The following FAM168B variants were observed in gnomAD, a reference collection of about 807,000 sequenced individuals.
FAM168B encodes the protein family with sequence similarity 168 member B.
FAM168B carries 19 observed loss-of-function variants against 21.8 expected under a neutral mutation model. The ratio of observed to expected loss-of-function variants is 0.87; its 90% CI spans 0.61 to 1.28. The LOEUF (loss-of-function observed/expected upper bound fraction) is 1.28, where lower values mean the gene tolerates loss of function less well. Among genes scored for constraint, FAM168B ranks in the 50% most tolerant of loss-of-function variants. The pLI, the probability that FAM168B is intolerant of heterozygous loss-of-function variation, is 0.00. For synonymous variants in FAM168B, 126 were observed against 104.8 expected (o/e 1.20, Z -1.24); for missense variants, 233 against 263.1 (o/e 0.89, Z 0.79).
At chr2:131,054,486 G>C (rs925702616) in intron 5 of FAM168B, among the ~76,000 whole-genome samples, 1 of 152,168 alleles carries the variant, frequency 6.6e-6, no homozygotes, top group Non-Finnish European at 1.5e-5. Context: ...AACCAAATCA[G>C]AGTCTACATT....
chr2:131,065,744 G>A (rs938611504), intron 3 of FAM168B, among the ~76,000 whole-genome samples: 21 of 145,658 alleles, frequency 1.4e-4, no homozygotes, highest in East Asian at 6.0e-4. Flanking sequence ...AGCTGAGATC[G>A]CACTACTGCA....
intron 1 of FAM168B, among the ~76,000 whole-genome samples, chr2:131,087,453 C>CA (rs1173841840): frequency 6.6e-6 from 1 of 152,026 alleles, no homozygotes; most frequent in African/African-American, 2.4e-5. Context: ...GCCTGGGCAA[C>CA]AGAGCAAGAC....
chr2:131,070,413 T>C (rs1692815097), intron 3 of FAM168B, among the ~76,000 whole-genome samples: 1 of 152,200 alleles, frequency 6.6e-6, no homozygotes, highest in Admixed American at 6.5e-5. Flanking sequence ...TTGTTAAGGA[T>C]GTGGAGGAAC....
intron 3 of FAM168B, among the ~76,000 whole-genome samples, chr2:131,060,050 C>T (rs1558950297): frequency 6.6e-6 from 1 of 151,336 alleles, no homozygotes; most frequent in Non-Finnish European, 1.5e-5. Context: ...GATGGAGTCT[C>T]GCTGTCTCGC....
At chr2:131,091,694 T>C (rs576737548) in intron 1 of FAM168B, among the ~76,000 whole-genome samples, 5 of 152,024 alleles carry the variant, frequency 3.3e-5, no homozygotes, top group African/African-American at 9.6e-5. Context: ...CCCCAAACTT[T>C]ACCTTCATTA....
At chr2:131,060,077 G>C (rs1692218646) in intron 3 of FAM168B, among the ~76,000 whole-genome samples, 1 of 152,014 alleles carries the variant, frequency 6.6e-6, no homozygotes, top group Non-Finnish European at 1.5e-5. Flanking sequence ...ACCCAGGCTG[G>C]AGTGCTGACA....
At chr2:131,072,935 G>C (rs914451640) in intron 2 of FAM168B, among the ~76,000 whole-genome samples, 40 of 152,096 alleles carry the variant, frequency 2.6e-4, no homozygotes, top group Admixed American at 3.9e-4. Context: ...GCCTATTTTT[G>C]CTGCTACCAG....
At chr2:131,060,953 G>T (rs907032670) in intron 3 of FAM168B, among the ~76,000 whole-genome samples, 5 of 151,670 alleles carry the variant, frequency 3.3e-5, no homozygotes, top group Admixed American at 3.3e-4. Context: ...CCGGGTTCAC[G>T]CCATTCTCCT....
intron 6 of FAM168B, 111 bp from the exon 7 acceptor site, chr2:131,052,563 A>G: frequency 1.1e-6 from 1 of 874,616 alleles, no homozygotes; most frequent in Middle Eastern, 5.2e-4. Flanking sequence ...GCAATGGGCA[A>G]AACTGCTGGA....
At position 131,048,051 on chromosome 2, in the gene FAM168B, C is replaced by T. The variant is rs1358425425; in HGVS notation, c.*4414G>A. 5.8e-6 allele frequency: 3 copies of T among 520,964 alleles called. No individual in the cohort carries two copies. The highest frequency in any genetic ancestry group is 2.0e-5 in the African/African-American group (1 of 49,806). 32.3% of individuals were successfully genotyped at this position (520,964 alleles called of 1,614,324 possible). On this transcript the variant is annotated 3_prime_UTR_variant, in exon 7 of 7. Transcript: ENST00000389915. ...CTGGCTCAGGATGGAAATTCCATTC[C>T]TTGGCATGGATACGTAAGTTCAATG...
chr2:131,092,733 A>T (rs1157483690), intron 1 of FAM168B, among the ~76,000 whole-genome samples: 1 of 152,214 alleles, frequency 6.6e-6, no homozygotes, highest in Non-Finnish European at 1.5e-5. Flanking sequence ...TCCTTTCTGA[A>T]GGAAATCTTA....
chr2:131,077,598 C>G (rs1693223013), intron 2 of FAM168B, among the ~76,000 whole-genome samples: 1 of 152,244 alleles, frequency 6.6e-6, no homozygotes, highest in African/African-American at 2.4e-5. Context: ...AAATTAGGAT[C>G]TACAGCCTTG....
chr2:131,075,930 C>A (rs1693133206), intron 2 of FAM168B, among the ~76,000 whole-genome samples: 1 of 152,220 alleles, frequency 6.6e-6, no homozygotes. Flanking sequence ...GACTCCCAAT[C>A]TCCTAGACAG....
rs979187790 is a variant in FAM168B, at chr2:131,077,721, T to TG, written c.70+4855dup. On this transcript the variant is annotated intron_variant, in intron 2 of 6. Coordinates refer to ENST00000389915, the MANE Select transcript of FAM168B (RefSeq NM_001009993.4). The stretch of plus-strand genomic sequence containing the variant: ...AGAGAAACATGGGTTTTGGTGATCT[T>TG]GAAGGGCTGTAGTGATAAAATTGGA... Among the ~76,000 whole-genome samples the TG allele has an allele frequency of 1.8e-3, 277 of 152,314 alleles. 1 individual carries two copies. The highest frequency in any genetic ancestry group is 6.3e-3 in the African/African-American group (263 of 41,576).
chr2:131,069,572 C>T (rs921570676), intron 3 of FAM168B, among the ~76,000 whole-genome samples: 2 of 152,038 alleles, frequency 1.3e-5, no homozygotes, highest in Non-Finnish European at 2.9e-5. Flanking sequence ...CGGCTCACTG[C>T]AAGCTCCGCC....
intron 3 of FAM168B, among the ~76,000 whole-genome samples, chr2:131,069,187 A>T (rs958941234): frequency 9.2e-5 from 14 of 152,216 alleles, no homozygotes; most frequent in African/African-American, 3.4e-4. Context: ...CTTCTTGTAA[A>T]ATAAAAAAGT....
intron 3 of FAM168B, among the ~76,000 whole-genome samples, chr2:131,068,185 G>C (rs1692674490): frequency 6.6e-6 from 1 of 152,116 alleles, no homozygotes; most frequent in Admixed American, 6.5e-5. Context: ...TTGAGACAGA[G>C]TCTCGCTCTG....
intron 2 of FAM168B, among the ~76,000 whole-genome samples, chr2:131,073,191 C>G (rs2105529460): frequency 6.6e-6 from 1 of 151,850 alleles, no homozygotes; most frequent in African/African-American, 2.4e-5. Context: ...CTCCTGGGTT[C>G]AAGCATTTCT....
chr2:131,048,443 G>C lies in FAM168B; in HGVS notation c.*4022C>G, dbSNP rs1691430953. 1 of 1,202,408 alleles carries C rather than the reference G, an allele frequency of 8.3e-7. No individual in the cohort carries two copies. The highest frequency in any genetic ancestry group is 1.6e-5 in the African/African-American group (1 of 63,738). The allele number at this position is 1,202,408 out of a possible 1,614,324, so 74.5% of individuals were successfully genotyped here. The stretch of plus-strand genomic sequence containing the variant: ...CCTACACAGACGCCGCTCATCCTCT[G>C]TCTCCCCTTCCCAAGTGACTTCACT... On this transcript the variant is annotated 3_prime_UTR_variant, in exon 7 of 7. Coordinates refer to ENST00000389915, the MANE Select transcript of FAM168B (RefSeq NM_001009993.4).
Sources: gnomAD v4.1 joint callset for allele counts (sites outside exome capture counted in the v4.1 genomes callset) on GRCh38, gnomAD v4.1.1 for gene constraint, MANE v1.5 for transcripts, NCBI Gene and HGNC (gene_info 2026-07-23, HGNC 2026-07-21) for gene names.